The following MACROD2 variants were observed in gnomAD, a reference collection of about 807,000 sequenced individuals.
The protein encoded by MACROD2 is ADP-ribose glycohydrolase MACROD2.
Under a neutral mutation model 70.4 loss-of-function variants are expected in MACROD2, and 36 were observed. The ratio of observed to expected loss-of-function variants is 0.51; its 90% confidence interval spans 0.39 to 0.68. The LOEUF (loss-of-function observed/expected upper bound fraction) is 0.68, where lower values mean the gene tolerates loss of function less well. MACROD2 is among the 30% of genes least tolerant of loss of function. The pLI is 0.00. For synonymous variants in MACROD2, 172 were observed against 178.8 expected (o/e 0.96, Z 0.30); for missense variants, 496 against 538.4 (o/e 0.92, Z 0.78).
At chr20:15,621,301 C>T (rs1409460033) in intron 8 of MACROD2, among the ~76,000 whole-genome samples, 1 of 152,134 alleles carries the variant, frequency 6.6e-6, no homozygotes, top group Non-Finnish European at 1.5e-5. Context: ...TGCATATTGG[C>T]CTCAAATGAG....
At chr20:14,502,419 A>G (rs1049774183) in intron 4 of MACROD2, among the ~76,000 whole-genome samples, 2 of 152,144 alleles carry the variant, frequency 1.3e-5, no homozygotes, top group Admixed American at 6.5e-5. Context: ...CTCGGGTTAC[A>G]TGATCCCTTA....
intron 8 of MACROD2, among the ~76,000 whole-genome samples, chr20:15,772,916 G>T (rs1391075029): frequency 6.6e-6 from 1 of 152,062 alleles, no homozygotes; most frequent in Non-Finnish European, 1.5e-5. Context: ...ATCAGATCTT[G>T]TGAGAACTCA....
chr20:15,499,708 C>T (rs1161977418), intron 7 of MACROD2, 66 bp from the exon 8 acceptor site: 6 of 1,423,062 alleles, frequency 4.2e-6, no homozygotes, highest in East Asian at 2.3e-5. Context: ...AGTATCATAG[C>T]GTGATTAGCC....
chr20:15,792,592 G>A (rs547490825), intron 8 of MACROD2, among the ~76,000 whole-genome samples: 55 of 152,050 alleles, frequency 3.6e-4, no homozygotes, highest in Non-Finnish European at 5.3e-4. Context: ...AAAGAAAGGC[G>A]AATAAACAAT....
intron 8 of MACROD2, among the ~76,000 whole-genome samples, chr20:15,652,050 T>C (rs911321224): frequency 6.6e-6 from 1 of 152,118 alleles, no homozygotes; most frequent in Non-Finnish European, 1.5e-5. Context: ...TTACCTACAT[T>C]TTATACTTGG....
At chr20:15,538,642 G>C (rs2047910275) in intron 8 of MACROD2, among the ~76,000 whole-genome samples, 1 of 152,160 alleles carries the variant, frequency 6.6e-6, no homozygotes, top group African/African-American at 2.4e-5. Flanking sequence ...TGAGAAGAGA[G>C]CAAGGCCCAT....
chr20:15,170,244 A>G (rs2076413797), intron 5 of MACROD2, among the ~76,000 whole-genome samples: 1 of 152,206 alleles, frequency 6.6e-6, no homozygotes, highest in South Asian at 2.1e-4. Flanking sequence ...TCAGGGTTCA[A>G]TTTAGGAAGA....
At chr20:14,013,273 CTTTTT>C (rs770856375) in intron 2 of MACROD2, among the ~76,000 whole-genome samples, 1 of 128,720 alleles carries the variant, frequency 7.8e-6, no homozygotes, top group Non-Finnish European at 1.6e-5. Flanking sequence ...ACTGTACTTT[CTTTTT>C]TTTTTTTTTT....
chr20:15,171,846 A>G, intron 5 of MACROD2, among the ~76,000 whole-genome samples: 1 of 152,120 alleles, frequency 6.6e-6, no homozygotes, highest in East Asian at 1.9e-4. Context: ...CCCACACACT[A>G]CACTCTAAGT....
intron 8 of MACROD2, among the ~76,000 whole-genome samples, chr20:15,859,304 G>A (rs376918739): frequency 6.6e-5 from 10 of 152,018 alleles, no homozygotes; most frequent in African/African-American, 2.4e-4. Context: ...GGCATGATCT[G>A]CTTAACTTTT....
intron 5 of MACROD2, chr20:14,935,208 C>G (rs1191701653): frequency 1.3e-5 from 2 of 152,048 alleles, no homozygotes; most frequent in Non-Finnish European, 2.9e-5. Context: ...AATTTTAAAT[C>G]TTTGTTCATT....
chr20:15,197,960 C>CTTTTTTT (rs56284199), intron 5 of MACROD2, among the ~76,000 whole-genome samples: 2 of 118,714 alleles, frequency 1.7e-5, no homozygotes, highest in African/African-American at 6.4e-5. Context: ...GCCTGGCCTC[C>CTTTTTTT]TTTTTTTTTT....
chr20:15,460,842 CTG>C (rs2046797674), intron 7 of MACROD2, among the ~76,000 whole-genome samples: 1 of 151,674 alleles, frequency 6.6e-6, no homozygotes, highest in African/African-American at 2.4e-5. Context: ...ATGAAATCAA[CTG>C]TTTTCAGAAT....
At chr20:15,797,572 A>G (rs1805810822) in intron 8 of MACROD2, among the ~76,000 whole-genome samples, 1 of 152,230 alleles carries the variant, frequency 6.6e-6, no homozygotes, top group African/African-American at 2.4e-5. Context: ...TATCCCCAGC[A>G]GAGTCTTCCT....
chr20:14,306,873 T>G (rs572283012), intron 3 of MACROD2, among the ~76,000 whole-genome samples: 1 of 152,224 alleles, frequency 6.6e-6, no homozygotes, highest in East Asian at 1.9e-4. Context: ...CAGCATTGTC[T>G]TCTTGTTTAA....
chr20:14,401,043 T>C (rs997945580), intron 3 of MACROD2, among the ~76,000 whole-genome samples: 2 of 152,040 alleles, frequency 1.3e-5, no homozygotes, highest in East Asian at 3.9e-4. Context: ...AAGTGGCTGG[T>C]CAATTTAAAC....
At chr20:15,027,345 A>C (rs2075239829) in intron 5 of MACROD2, among the ~76,000 whole-genome samples, 1 of 151,974 alleles carries the variant, frequency 6.6e-6, no homozygotes, top group Non-Finnish European at 1.5e-5. Context: ...ATCAGATTTG[A>C]TTTTGGTGTT....
intron 3 of MACROD2, among the ~76,000 whole-genome samples, chr20:14,172,463 C>A (rs1341301654): frequency 6.6e-6 from 1 of 152,020 alleles, no homozygotes; most frequent in Non-Finnish European, 1.5e-5. Flanking sequence ...TGCCACCACA[C>A]CCTGCTAATT....
intron 3 of MACROD2, among the ~76,000 whole-genome samples, chr20:14,206,589 A>G (rs1417455257): frequency 1.3e-5 from 2 of 149,372 alleles, no homozygotes; most frequent in Non-Finnish European, 3.0e-5. Context: ...ATGTTGTTTG[A>G]TATGTTTGTT....
Sources: allele counts gnomAD v4.1 joint callset (sites outside exome capture counted in the v4.1 genomes callset), GRCh38; gene constraint gnomAD v4.1.1; transcripts MANE v1.5; gene names NCBI Gene and HGNC (gene_info 2026-07-23, HGNC 2026-07-21).